Variants in NCOA1 observed in about 807,000 individuals in gnomAD.
NCOA1 encodes Hin-2 protein.
Under a neutral mutation model 150.9 loss-of-function variants are expected in NCOA1, and 35 were observed. The observed-to-expected ratio is 0.23, with a 90% CI of 0.18 to 0.31. The LOEUF (loss-of-function observed/expected upper bound fraction) is 0.31, where lower values mean the gene tolerates loss of function less well. Among genes scored for constraint, NCOA1 ranks in the 10% least tolerant of loss-of-function variants. The probability of loss-of-function intolerance (pLI) is 1.00; values close to 1 mark genes in which losing one functional copy is unlikely to be tolerated. For missense variants in NCOA1, 1,491 were observed against 1,749.3 expected (o/e 0.85, Z 2.63); for synonymous variants, 590 against 630.0 (o/e 0.94, Z 0.95).
rs556710774 is a variant in NCOA1, at chr2:24,541,728, C to T, written c.-395-22567C>T. Among the ~76,000 whole-genome samples the T allele has an allele frequency of 2.6e-5, 4 of 152,320 alleles. No homozygotes were observed. In the East Asian group the frequency reaches 7.7e-4, roughly 29 times the overall value. ...TAATCCTTGAGAGAGCCTTTCTCAG[C>T]TTCAGATTCTGGAAGAACATGGCCA... On this transcript the variant is annotated intron_variant, in intron 1 of 22. Transcript: ENST00000348332.
intron 14 of NCOA1, among the ~76,000 whole-genome samples, chr2:24,724,962 T>C (rs549953222): frequency 9.2e-5 from 14 of 152,270 alleles, no homozygotes; most frequent in African/African-American, 3.4e-4. Flanking sequence ...ATTTGATTTC[T>C]ATATCATTTG....
At chr2:24,674,857 A>G (rs1671834987) in intron 7 of NCOA1, among the ~76,000 whole-genome samples, 1 of 152,110 alleles carries the variant, frequency 6.6e-6, no homozygotes. Flanking sequence ...CCATTGGTCC[A>G]TAAGAAAACT....
chr2:24,690,355 C>G (rs1240406456), intron 8 of NCOA1, among the ~76,000 whole-genome samples: 3 of 151,778 alleles, frequency 2.0e-5, no homozygotes, highest in African/African-American at 7.3e-5. Context: ...CGTTTGGGAA[C>G]AGTAAAAAAG....
chr2:24,493,678 C>G (rs1409421246), intron 1 of NCOA1, among the ~76,000 whole-genome samples: 3 of 151,464 alleles, frequency 2.0e-5, no homozygotes, highest in Non-Finnish European at 4.4e-5. Flanking sequence ...AATGCTTCTT[C>G]CTGCCTCTTT....
chr2:24,704,902 C>T (rs1449761298), intron 11 of NCOA1, among the ~76,000 whole-genome samples, 184 bp from the exon 12 acceptor site: 7 of 152,120 alleles, frequency 4.6e-5, no homozygotes, highest in African/African-American at 1.7e-4. Flanking sequence ...TGGTATATTT[C>T]AACTGGAATC....
At chr2:24,721,173 C>T (rs1276668515) in intron 14 of NCOA1, among the ~76,000 whole-genome samples, 2 of 152,200 alleles carry the variant, frequency 1.3e-5, no homozygotes, top group African/African-American at 4.8e-5. Context: ...GAGATCATTT[C>T]ATCATAGCTA....
rs373210831 is a variant in NCOA1, at chr2:24,707,655, T to C, written c.2185T>C (p.Ser729Pro). The C allele has an allele frequency of 1.9e-5, 31 of 1,614,020 alleles. No homozygotes were observed. The highest frequency in any genetic ancestry group is 2.6e-5 in the Non-Finnish European group (31 of 1,180,028). The change falls in exon 13 of 23, where the codon TCC becomes CCC. Residue 729 changes from serine (S) to proline (P), a missense_variant. By Grantham distance (74) the Ser-to-Pro change is moderately conservative (BLOSUM62 -1). This residue lies in a region of NCOA1 where 703 missense variants were observed against 717.7 expected (regional missense o/e 0.98). Transcript: ENST00000348332. Reference protein sequence around the residue: ...VSVTGQVQGNSSIKLELDASK... With the variant: ...VSVTGQVQGNPSIKLELDASK... Reference sequence around the variant, plus strand: ...AGTGACTGGACAGGTACAAGGAAACTCCAGTATAAAACTAGAACTGGATGC... The same window carrying C: ...AGTGACTGGACAGGTACAAGGAAACCCCAGTATAAAACTAGAACTGGATGC...
At chr2:24,587,742 T>C (rs1328155939) in intron 3 of NCOA1, among the ~76,000 whole-genome samples, 1 of 152,190 alleles carries the variant, frequency 6.6e-6, no homozygotes, top group East Asian at 1.9e-4. Flanking sequence ...GATTGTTAGC[T>C]TTCTTCTTTA....
intron 14 of NCOA1, among the ~76,000 whole-genome samples, chr2:24,719,101 T>G (rs868239350): frequency 4.0e-5 from 6 of 149,654 alleles, no homozygotes; most frequent in South Asian, 4.2e-4. Flanking sequence ...GTAAGTGGTG[T>G]ATTCATAAAA....
intron 1 of NCOA1, among the ~76,000 whole-genome samples, chr2:24,515,988 G>A (rs1240663100): frequency 2.0e-5 from 3 of 152,042 alleles, no homozygotes; most frequent in African/African-American, 7.3e-5. Context: ...CTCTTTGTTA[G>A]TGCCTCAGAA....
intron 1 of NCOA1, among the ~76,000 whole-genome samples, chr2:24,547,988 C>CAAAAAAAAAAA (rs34669959): frequency 2.1e-4 from 16 of 74,930 alleles, no homozygotes; most frequent in East Asian, 3.6e-4. Context: ...GACTCTGTCT[C>CAAAAAAAAAAA]AAAAAAAAAA....
chr2:24,602,232 A>C (rs954140201), intron 3 of NCOA1, among the ~76,000 whole-genome samples: 24 of 152,064 alleles, frequency 1.6e-4, no homozygotes, highest in African/African-American at 5.8e-4. Context: ...GCAGGGTCTC[A>C]GTTTGTCTCC....
chr2:24,550,911 C>T (rs555235498), intron 1 of NCOA1, among the ~76,000 whole-genome samples: 52 of 152,118 alleles, frequency 3.4e-4, no homozygotes, highest in Non-Finnish European at 6.6e-4. Context: ...GAGTTTGAGA[C>T]CAGCCTGGCC....
intron 5 of NCOA1, among the ~76,000 whole-genome samples, chr2:24,663,803 C>T (rs1196566327): frequency 1.3e-5 from 2 of 152,172 alleles, no homozygotes; most frequent in African/African-American, 4.8e-5. Flanking sequence ...CAGTTCATTA[C>T]TTTTAGCTTC....
chr2:24,747,888 C>T (rs1193680806), intron 19 of NCOA1, among the ~76,000 whole-genome samples: 1 of 152,084 alleles, frequency 6.6e-6, no homozygotes, highest in Non-Finnish European at 1.5e-5. Context: ...AAGTGGATCA[C>T]CTGAGGTCGG....
At chr2:24,579,337 A>G (rs551471414) in intron 2 of NCOA1, among the ~76,000 whole-genome samples, 5 of 152,346 alleles carry the variant, frequency 3.3e-5, no homozygotes, top group East Asian at 3.9e-4. Flanking sequence ...AGGCATATAT[A>G]AGGACAGAAT....
chr2:24,520,937 T>C (rs1321524303), intron 1 of NCOA1, among the ~76,000 whole-genome samples: 5 of 152,196 alleles, frequency 3.3e-5, no homozygotes, highest in Non-Finnish European at 5.9e-5. Context: ...TCCTTGACTA[T>C]TCCAGGCCGC....
intron 6 of NCOA1, among the ~76,000 whole-genome samples, chr2:24,671,407 A>G (rs1173496952): frequency 6.6e-6 from 1 of 152,196 alleles, no homozygotes; most frequent in Non-Finnish European, 1.5e-5. Flanking sequence ...CTGTAATCCC[A>G]GCTACCTGGA....
chr2:24,649,060 C>T (rs1670602125), intron 4 of NCOA1, among the ~76,000 whole-genome samples: 1 of 151,872 alleles, frequency 6.6e-6, no homozygotes. Flanking sequence ...TAAAAAGAGG[C>T]AGACATTTAA....
Sources: gnomAD v4.1 joint callset for allele counts (sites outside exome capture counted in the v4.1 genomes callset) on GRCh38, gnomAD v4.1.1 for gene constraint, gnomAD v4.1.1 regional missense constraint, MANE v1.5 for transcripts, NCBI Gene and HGNC (gene_info 2026-07-23, HGNC 2026-07-21) for gene names.